The following ARMC3 variants were observed in gnomAD, a reference collection of about 807,000 sequenced individuals.
The protein encoded by ARMC3 is armadillo repeat containing 3, also known as armadillo repeat-containing protein 3.
ARMC3 carries 74 observed loss-of-function variants against 90.3 expected under a neutral mutation model. The ratio of observed to expected loss-of-function variants is 0.82; its 90% CI spans 0.68 to 0.99. The LOEUF is 0.99. Among genes scored for constraint, ARMC3 ranks in the 50% least tolerant of loss-of-function variants. The pLI, the probability that ARMC3 is intolerant of heterozygous loss-of-function variation, is 0.00. For missense variants in ARMC3, 958 were observed against 1,042.8 expected, an observed-to-expected ratio of 0.92 and a Z score of 1.12; for synonymous variants, 334 against 361.8, an observed-to-expected ratio of 0.92 and a Z score of 0.87.
chr10:22,959,220 T>C (rs1486768011), intron 5 of ARMC3, 82 bp downstream of exon 5: 2 of 1,407,382 alleles, frequency 1.4e-6, no homozygotes, highest in Admixed American at 3.5e-5. Flanking sequence ...AAATCATTCA[T>C]GAAATATTGT....
At chr10:22,998,695 A>C (rs563927242) in intron 11 of ARMC3, among the ~76,000 whole-genome samples, 1 of 152,330 alleles carries the variant, frequency 6.6e-6, no homozygotes, top group South Asian at 2.1e-4. Context: ...TAAAACAAAC[A>C]AATTGTCCAA....
At chr10:22,931,440 A>G (rs1833927524) in intron 1 of ARMC3, among the ~76,000 whole-genome samples, 1 of 152,198 alleles carries the variant, frequency 6.6e-6, no homozygotes, top group Admixed American at 6.5e-5. Context: ...TTATCCGGGC[A>G]AAGGACACAA....
intron 10 of ARMC3, 27 bp from the exon 11 acceptor site, chr10:22,998,121 A>C: frequency 1.2e-6 from 2 of 1,605,952 alleles, no homozygotes; most frequent in South Asian, 2.2e-5. Context: ...CAGATGAATC[A>C]CATTCATTTC....
At chr10:23,001,020 C>T (rs1429949888) in intron 11 of ARMC3, among the ~76,000 whole-genome samples, 2 of 151,974 alleles carry the variant, frequency 1.3e-5, no homozygotes, top group African/African-American at 4.8e-5. Flanking sequence ...TTCTCCTCTT[C>T]AGTCCTTTGA....
chr10:22,975,609 T>A (rs1390158206), intron 8 of ARMC3, among the ~76,000 whole-genome samples: 2 of 152,214 alleles, frequency 1.3e-5, no homozygotes, highest in African/African-American at 4.8e-5. Flanking sequence ...ATTGCTTTTG[T>A]ATTGTTCAAG....
At chr10:22,933,678 G>T (rs1178549590) in intron 2 of ARMC3, among the ~76,000 whole-genome samples, 1 of 152,132 alleles carries the variant, frequency 6.6e-6, no homozygotes, top group Non-Finnish European at 1.5e-5. Context: ...GAGGTCAGGA[G>T]ATTGAGACCA....
chr10:22,970,037 G>A (rs7907625), intron 8 of ARMC3, among the ~76,000 whole-genome samples: 26,367 of 152,006 alleles, frequency 0.17, 2,387 homozygotes, highest in South Asian at 0.2. Flanking sequence ...GTATATATTC[G>A]TTTACTCATG....
intron 16 of ARMC3, among the ~76,000 whole-genome samples, chr10:23,027,916 G>T (rs1232658408): frequency 6.6e-6 from 1 of 152,100 alleles, no homozygotes; most frequent in Non-Finnish European, 1.5e-5. Context: ...CAAGGCAGGA[G>T]TTTCGCTTGA....
At chr10:22,943,428 G>A (rs1345425013) in intron 2 of ARMC3, among the ~76,000 whole-genome samples, 5 of 151,598 alleles carry the variant, frequency 3.3e-5, no homozygotes, top group South Asian at 4.2e-4. Flanking sequence ...TATTGGTAGC[G>A]TATCTATTAA....
At chr10:22,970,603 G>A (rs1835639718) in intron 8 of ARMC3, among the ~76,000 whole-genome samples, 1 of 152,184 alleles carries the variant, frequency 6.6e-6, no homozygotes, top group Non-Finnish European at 1.5e-5. Context: ...ACCAAAAGGG[G>A]GTTGCTGTAG....
intron 17 of ARMC3, among the ~76,000 whole-genome samples, chr10:23,031,648 A>G (rs902860060): frequency 1.3e-5 from 2 of 152,196 alleles, no homozygotes; most frequent in African/African-American, 4.8e-5. Flanking sequence ...TGATGGCTCA[A>G]GCGGAACTCT....
intron 17 of ARMC3, 79 bp from the exon 18 acceptor site, chr10:23,032,782 A>G: frequency 1.5e-6 from 2 of 1,374,350 alleles, no homozygotes; most frequent in Non-Finnish European, 2.0e-6. Context: ...TTACATGTAT[A>G]TTTACATGTA....
Position 22,981,476 on chromosome 10 carries a change from T to C in ARMC3, c.1053T>C (p.Asp351=). Reference sequence around the variant, plus strand: ...TGTGTGAGAATTCAGGCAGCAAAGATTTTTTCAATAATCAGGGTAAGTCAA... The same window carrying C: ...TGTGTGAGAATTCAGGCAGCAAAGACTTTTTCAATAATCAGGGTAAGTCAA... ...SAMCENSGSK[D]FFNNQGIPQL... is the part of the protein sequence containing the mutation. The change falls in exon 9 of 19, where the codon GAT becomes GAC. Residue 351 remains aspartate, a synonymous_variant. Transcript: ENST00000298032. The C allele has an allele frequency of 1.9e-6, 3 of 1,613,838 alleles. No homozygotes were observed. Among genetic ancestry groups the C allele is most frequent in the Non-Finnish European group, 2.5e-6 (3 of 1,179,954 alleles).
Position 22,981,383 on chromosome 10 carries a change from C to T in ARMC3, c.960C>T (p.Cys320=). 1 of 1,612,620 alleles carries T rather than the reference C, an allele frequency of 6.2e-7. No homozygotes were observed. The highest frequency in any genetic ancestry group is 1.3e-5 in the African/African-American group (1 of 74,906). The change falls in exon 9 of 19, where the codon TGC becomes TGT. Residue 320 remains cysteine, a synonymous_variant. Transcript: ENST00000298032. ...KLFHEQEVEK[C]LVALLGSEND... ...TTCATGAACAAGAGGTTGAAAAGTG[C>T]CTTGTAGCCCTTTTGGGTTCTGAAA...
chr10:22,968,036 C>A (rs1236122727), intron 7 of ARMC3, among the ~76,000 whole-genome samples: 1 of 152,194 alleles, frequency 6.6e-6, no homozygotes, highest in African/African-American at 2.4e-5. Context: ...GTATGAGCAA[C>A]TTCATTGACT....
At chr10:22,986,464 A>G (rs541740050) in intron 10 of ARMC3, among the ~76,000 whole-genome samples, 3 of 149,656 alleles carry the variant, frequency 2.0e-5, no homozygotes, top group African/African-American at 7.3e-5. Context: ...AGGCATGAGA[A>G]TTGCTTGAAC....
At chr10:23,001,013 T>A (rs2131418624) in intron 11 of ARMC3, among the ~76,000 whole-genome samples, 1 of 152,328 alleles carries the variant, frequency 6.6e-6, no homozygotes, top group South Asian at 2.1e-4. Context: ...CTTTTTCTTC[T>A]CCTCTTCAGT....
intron 16 of ARMC3, 100 bp from the exon 17 acceptor site, chr10:23,030,496 T>C: frequency 6.7e-7 from 1 of 1,497,550 alleles, no homozygotes; most frequent in Middle Eastern, 1.8e-4. Flanking sequence ...AAGGGTTCAC[T>C]GTACCTTTTT....
intron 16 of ARMC3, among the ~76,000 whole-genome samples, chr10:23,020,355 G>T (rs1838462320): frequency 6.6e-6 from 1 of 152,128 alleles, no homozygotes; most frequent in Non-Finnish European, 1.5e-5. Flanking sequence ...GGCTGGTCTC[G>T]AACTCCTGAC....
Sources: allele counts gnomAD v4.1 joint callset (sites outside exome capture counted in the v4.1 genomes callset), GRCh38; gene constraint gnomAD v4.1.1; transcripts MANE v1.5; gene names NCBI Gene and HGNC (gene_info 2026-07-23, HGNC 2026-07-21).